SETD1A: variants seen among roughly 807,000 people sequenced by gnomAD.
The protein encoded by SETD1A is histone-lysine N-methyltransferase SETD1A.
SETD1A carries 29 observed loss-of-function variants against 149.9 expected under a neutral mutation model. That is an observed-to-expected ratio of 0.19 (90% CI 0.14 to 0.26). The LOEUF is 0.26. Among genes scored for constraint, SETD1A ranks in the 10% least tolerant of loss-of-function variants. The pLI is 1.00. For missense variants in SETD1A, 2,109 were observed against 2,353.1 expected, an observed-to-expected ratio of 0.90 and a Z score of 2.15; for synonymous variants, 1,141 against 968.5, an observed-to-expected ratio of 1.18 and a Z score of -3.31.
chr16:30,961,137 G>A lies in SETD1A; in HGVS notation c.247-130G>A, dbSNP rs1203051835. On this transcript the variant is annotated intron_variant, in intron 3 of 18. Transcript: ENST00000262519. The surrounding 1 kb of genome is among the most constrained non-coding windows in gnomAD (Gnocchi z 4.0). ...CAGGTCTGATGGATCCCTTATTTTGGGCCCCTTCCCTTGCCCCTCACTTTC... is the reference window on the plus strand; with the variant it reads ...CAGGTCTGATGGATCCCTTATTTTGAGCCCCTTCCCTTGCCCCTCACTTTC... 5 of 858,514 alleles carry A rather than the reference G, an allele frequency of 5.8e-6. No individual in the cohort carries two copies. The allele number at this position is 858,514 out of a possible 1,614,324, so 53.2% of individuals were successfully genotyped here. A position where few individuals can be genotyped will look rare whatever the true frequency, so the allele number is the denominator to read the frequency against.
In SETD1A at chr16:30,969,675, C is replaced by G. The variant is rs1361946431; in HGVS notation, c.3002C>G (p.Thr1001Arg). The change falls in exon 12 of 19, where the codon ACA (threonine) becomes AGA (arginine). Residue 1001 changes from threonine (T) to arginine (R), a missense_variant. By Grantham distance (71) the Thr-to-Arg change is moderately conservative (BLOSUM62 -1). Transcript: ENST00000262519. ...GCTGTGGATACCACAAAGAAGGAGA[C>G]AGAGGTGTCGGATGGTGAGCACAAG... is the stretch of plus-strand genomic sequence containing the variant. Reference protein sequence around the residue: ...EEAVDTTKKETEVSDGEDEES... With the variant: ...EEAVDTTKKEREVSDGEDEES... 7.4e-6 allele frequency: 12 copies of G among 1,613,748 alleles called. No individual in the cohort carries two copies. The highest frequency in any genetic ancestry group is 9.3e-6 in the Non-Finnish European group (11 of 1,179,754).
intron 13 of SETD1A, among the ~76,000 whole-genome samples, chr16:30,975,138 C>A (rs2056269370): frequency 1.3e-5 from 2 of 150,388 alleles, no homozygotes; most frequent in African/African-American, 2.4e-5. Flanking sequence ...CAGAGCGAGA[C>A]TGTCTCCAAA....
chr16:30,980,799 G>T lies in SETD1A; in HGVS notation c.4642G>T (p.Gly1548Cys). The T allele has an allele frequency of 6.2e-7, 1 of 1,611,828 alleles. No homozygotes were observed. The highest frequency in any genetic ancestry group is 8.5e-7 in the Non-Finnish European group (1 of 1,179,206). The change falls in exon 16 of 19, where the codon GGT (glycine) becomes TGT (cysteine). Residue 1548 changes from glycine (G) to cysteine (C), a missense_variant. Transcript: ENST00000262519. This position sits in a 1 kb window ranked among gnomAD's most constrained non-coding sequence, Gnocchi z 7.7. ...GCAGCGGCGGCTGCTGAGCGCCATC[G>T]GTACCTCCGCCATCATGGACAGTGA... is the stretch of plus-strand genomic sequence containing the variant. ...SEQRRLLSAI[G>C]TSAIMDSDLL...
chr16:30,984,242 C>T lies in SETD1A; in HGVS notation c.*219C>T, dbSNP rs915435981. The T allele has an allele frequency of 1.9e-5, 11 of 564,294 alleles. No individual in the cohort carries two copies. The highest frequency in any genetic ancestry group is 1.1e-4 in the African/African-American group (6 of 53,166). 35.0% of individuals were successfully genotyped at this position (564,294 alleles called of 1,614,324 possible). ...ACCACCCCCTGATTGTTTTTCTTTG[C>T]GGAGAAGAAGCTGTAAATGTTTTGT... On this transcript the variant is annotated 3_prime_UTR_variant, in exon 19 of 19. Coordinates refer to ENST00000262519, the MANE Select transcript of SETD1A (RefSeq NM_014712.3).
At position 30,965,349 on chromosome 16, in the gene SETD1A, A is replaced by G. The variant is rs2056125135; in HGVS notation, c.1607A>G (p.His536Arg). 1 of 1,613,968 alleles carries G rather than the reference A, an allele frequency of 6.2e-7. No homozygotes were observed. The highest frequency in any genetic ancestry group is 8.5e-7 in the Non-Finnish European group (1 of 1,179,984). Residue 536 changes from histidine (H) to arginine (R), a missense_variant, in exon 7 of 19, where the codon CAT (histidine) becomes CGT (arginine). Around this residue, in one of 8 missense-constraint regions of SETD1A, gnomAD observed 431 missense variants for 388.6 expected, o/e 1.11. Coordinates refer to ENST00000262519, the MANE Select transcript of SETD1A (RefSeq NM_014712.3). ...TGSEVPSGSGHGPCTPPPAPA... is the reference protein window; with the variant it reads ...TGSEVPSGSGRGPCTPPPAPA... ...AGTGAGGTGCCTTCTGGGTCAGGGCATGGGCCCTGCACACCCCCTCCGGCC... is the reference window on the plus strand; with the variant it reads ...AGTGAGGTGCCTTCTGGGTCAGGGCGTGGGCCCTGCACACCCCCTCCGGCC...
rs760980277 is a variant in SETD1A, at chr16:30,966,044, G to T, written c.2163G>T (p.Pro721=). 1.9e-6 allele frequency: 3 copies of T among 1,568,054 alleles called. No homozygotes were observed. Among genetic ancestry groups the T allele is most frequent in the Non-Finnish European group, 2.6e-6 (3 of 1,156,840 alleles). The change falls in exon 8 of 19, where the codon CCG becomes CCT. Residue 721 remains proline (P), a synonymous_variant. Coordinates refer to ENST00000262519, the MANE Select transcript of SETD1A (RefSeq NM_014712.3). ...AGGCCTTCCTCCCGTTTCCACCCCC[G>T]CAGGAGGCAGCCTACGGCTTGCCGT... ...FGEAFLPFPP[P]QEAAYGLPYA... is the part of the protein sequence containing the mutation.
rs192246115 is a variant in SETD1A, at chr16:30,983,335, G to A, written c.4813-300G>A. 2.0e-5 allele frequency among the ~76,000 whole-genome samples: 3 copies of A among 152,296 alleles called. No homozygotes were observed. The highest frequency in any genetic ancestry group is 2.9e-5 in the Non-Finnish European group (2 of 68,022). On this transcript the variant is annotated intron_variant, in intron 17 of 18. Transcript: ENST00000262519. The surrounding 1 kb of genome is among the most constrained non-coding windows in gnomAD (Gnocchi z 6.8). ...AACCCCAGACTTGCCCCAGCAGTCCGGGACCCCACTGTGACCAGGCAGATG... is the reference window on the plus strand; with the variant it reads ...AACCCCAGACTTGCCCCAGCAGTCCAGGACCCCACTGTGACCAGGCAGATG...
intron 13 of SETD1A, among the ~76,000 whole-genome samples, chr16:30,974,395 G>C (rs189867295): frequency 6.4e-4 from 97 of 151,486 alleles, no homozygotes; most frequent in African/African-American, 1.5e-3. Context: ...GTAGGCGAGT[G>C]GGGGGAGAGA....
intron 13 of SETD1A, among the ~76,000 whole-genome samples, chr16:30,976,473 G>A (rs2056286393): frequency 6.6e-6 from 1 of 152,176 alleles, no homozygotes; most frequent in Non-Finnish European, 1.5e-5. Flanking sequence ...ACAGGGTAAA[G>A]GTGTGGTGGA....
Position 30,979,392 on chromosome 16 carries a change from C to G in SETD1A, c.3606C>G (p.Gly1202=). 6.2e-7 allele frequency: 1 copy of G among 1,611,976 alleles called. No homozygotes were observed. Among genetic ancestry groups the G allele is most frequent in the Non-Finnish European group, 8.5e-7 (1 of 1,179,324 alleles). ...CAGCCTCCCGCAAGGCTCCCCGGGG[C>G]GTGGAGCGGACCATCCGCAACCTGC... The part of the protein sequence containing the change: ...PGPASRKAPR[G]VERTIRNLPL... Residue 1202 remains glycine (G), a synonymous_variant, in exon 14 of 19, where the codon GGC becomes GGG. Coordinates refer to ENST00000262519, the MANE Select transcript of SETD1A (RefSeq NM_014712.3).
At chr16:30,981,877 C>T (rs765740611) in intron 17 of SETD1A, among the ~76,000 whole-genome samples, 53 of 152,068 alleles carry the variant, frequency 3.5e-4, no homozygotes, top group African/African-American at 1.2e-3. Context: ...CTCGAGACCA[C>T]GAGGTGGAGG....
At chr16:30,960,518 T>C (rs1211546677) in intron 3 of SETD1A, among the ~76,000 whole-genome samples, 3 of 152,150 alleles carry the variant, frequency 2.0e-5, no homozygotes, top group Non-Finnish European at 4.4e-5. Context: ...CAGAACACCA[T>C]GTATGCGTCA....
rs1331236794 is a variant in SETD1A, at chr16:30,979,505, C to T, written c.3719C>T (p.Thr1240Ile). The change falls in exon 14 of 19, where the codon ACC (threonine) becomes ATC (isoleucine). Residue 1240 changes from threonine to isoleucine, a missense_variant. Coordinates refer to ENST00000262519, the MANE Select transcript of SETD1A (RefSeq NM_014712.3). ...RSRAGGRGRL[T>I]EEEEAEPGTE... Reference sequence around the variant, plus strand: ...CGGGCTGGAGGCCGAGGCCGCCTCACCGAGGAAGAGGAGGCTGAGCCAGGG... The same window carrying T: ...CGGGCTGGAGGCCGAGGCCGCCTCATCGAGGAAGAGGAGGCTGAGCCAGGG... 6.2e-7 allele frequency: 1 copy of T among 1,605,240 alleles called. No homozygotes were observed. The highest frequency in any genetic ancestry group is 8.5e-7 in the Non-Finnish European group (1 of 1,176,606).
Position 30,971,487 on chromosome 16 carries a change from A to ATCCTCC in SETD1A, c.3138_3143dup (p.Ser1057_Ser1058dup). Reference sequence around the variant, plus strand: ...AGAGCAGCAGCTCTTCCAGCTCCTCATCCTCCTCCTCCTCCTCGTCCTCAT... The same window carrying ATCCTCC: ...AGAGCAGCAGCTCTTCCAGCTCCTCATCCTCCTCCTCCTCCTCCTCCTCGTCCTCAT... On this transcript the variant is annotated inframe_insertion, in exon 13 of 19. Transcript: ENST00000262519. 4 of 1,611,532 alleles carry ATCCTCC rather than the reference A, an allele frequency of 2.5e-6. No homozygotes were observed. Among genetic ancestry groups the ATCCTCC allele is most frequent in the Non-Finnish European group, 3.4e-6 (4 of 1,178,720 alleles).
At position 30,984,082 on chromosome 16, in the gene SETD1A, A is replaced by C; in HGVS notation, c.*59A>C. 6.7e-7 allele frequency: 1 copy of C among 1,502,606 alleles called. No individual in the cohort carries two copies. Among genetic ancestry groups the C allele is most frequent in the South Asian group, 1.3e-5 (1 of 79,854 alleles). The allele number at this position is 1,502,606 out of a possible 1,614,324, so 93.1% of individuals were successfully genotyped here. On this transcript the variant is annotated 3_prime_UTR_variant, in exon 19 of 19. Transcript: ENST00000262519. ...ATTCCCCCTGGTGCCCTGAGCTCCC[A>C]GCACCCCCCCAGCCTTAGTGGGCTC...
In SETD1A at chr16:30,980,426, C is replaced by A; in HGVS notation, c.4409-59C>A. On this transcript the variant is annotated intron_variant, in intron 14 of 18. Coordinates refer to ENST00000262519, the MANE Select transcript of SETD1A (RefSeq NM_014712.3). The surrounding 1 kb of genome is among the most constrained non-coding windows in gnomAD (Gnocchi z 7.7). ...CTCAGCGGCGTGGGCCCCGCCCTCT[C>A]CTTTGGCTGGGACGCAGGTGGCCAG... 1 of 1,566,002 alleles carries A rather than the reference C, an allele frequency of 6.4e-7. No homozygotes were observed. The highest frequency in any genetic ancestry group is 8.7e-7 in the Non-Finnish European group (1 of 1,152,976).
intron 5 of SETD1A, 108 bp downstream of exon 5, chr16:30,963,662 A>C (rs775035202): frequency 8.0e-7 from 1 of 1,246,388 alleles, no homozygotes; most frequent in Non-Finnish European, 1.1e-6. Flanking sequence ...TTAAACAAAG[A>C]AGAGCCAAGC....
Position 30,961,202 on chromosome 16 carries a change from T to G in SETD1A, c.247-65T>G. On this transcript the variant is annotated intron_variant, in intron 3 of 18. Coordinates refer to ENST00000262519, the MANE Select transcript of SETD1A (RefSeq NM_014712.3). The surrounding 1 kb of genome is among the most constrained non-coding windows in gnomAD (Gnocchi z 4.0). ...TGACTTCATGGAGCTTGCTAAAGTT[T>G]CCCGAAGGACAAAGGAACAGTGGTC... 6.5e-7 allele frequency: 1 copy of G among 1,542,468 alleles called. No homozygotes were observed.
At chr16:30,975,121 C>A (rs2056269052) in intron 13 of SETD1A, among the ~76,000 whole-genome samples, 1 of 151,656 alleles carries the variant, frequency 6.6e-6, no homozygotes, top group Non-Finnish European at 1.5e-5. Context: ...GCACTCCAGC[C>A]TGGTGACAGA....
Sources: allele counts gnomAD v4.1 joint callset (sites outside exome capture counted in the v4.1 genomes callset), GRCh38; gene constraint gnomAD v4.1.1; regional missense constraint gnomAD v4.1.1; non-coding constraint Gnocchi (gnomAD v3.1); transcripts MANE v1.5; gene names NCBI Gene and HGNC (gene_info 2026-07-23, HGNC 2026-07-21).